The following DPP10 variants were observed in gnomAD, a reference collection of about 807,000 sequenced individuals.
The protein encoded by DPP10 is inactive dipeptidyl peptidase 10.
DPP10 carries 33 observed loss-of-function variants against 120.9 expected under a neutral mutation model. That is an observed-to-expected ratio of 0.27 (90% CI 0.21 to 0.37). The LOEUF is 0.37. DPP10 is among the 10% of genes least tolerant of loss of function. The probability of loss-of-function intolerance (pLI) is 1.00; values close to 1 mark genes in which losing one functional copy is unlikely to be tolerated. For synonymous variants in DPP10, 337 were observed against 326.1 expected, an observed-to-expected ratio of 1.03 and a Z score of -0.36; for missense variants, 816 against 942.8, an observed-to-expected ratio of 0.87 and a Z score of 1.76.
chr2:114,446,172 C>T (rs1345865954), intron 1 of DPP10, among the ~76,000 whole-genome samples: 1 of 152,112 alleles, frequency 6.6e-6, no homozygotes, highest in Non-Finnish European at 1.5e-5. Flanking sequence ...TTTCCTTCAC[C>T]ATTATGGCTT....
intron 5 of DPP10, among the ~76,000 whole-genome samples, chr2:115,535,416 T>C (rs906207220): frequency 7.9e-5 from 12 of 152,114 alleles, no homozygotes; most frequent in African/African-American, 2.4e-4. Flanking sequence ...AAAGATCAGA[T>C]AGTTGCAGAT....
At chr2:115,557,521 T>C (rs2080292402) in intron 5 of DPP10, among the ~76,000 whole-genome samples, 1 of 152,212 alleles carries the variant, frequency 6.6e-6, no homozygotes, top group Non-Finnish European at 1.5e-5. Context: ...TCTTTTCTAT[T>C]GCCTTAACCC....
At chr2:115,227,900 G>C (rs891262507) in intron 1 of DPP10, among the ~76,000 whole-genome samples, 5 of 146,588 alleles carry the variant, frequency 3.4e-5, no homozygotes, top group African/African-American at 5.0e-5. Flanking sequence ...ATATTTATGA[G>C]ATACATCCGA....
At chr2:114,836,761 T>A (rs1348891091) in intron 1 of DPP10, among the ~76,000 whole-genome samples, 1 of 152,134 alleles carries the variant, frequency 6.6e-6, no homozygotes, top group Non-Finnish European at 1.5e-5. Context: ...GACTGGGGCT[T>A]ATTTCATCCC....
At chr2:114,834,793 A>ACCTATGTATATATAAGCCATGTCTACG (rs1687539157) in intron 1 of DPP10, among the ~76,000 whole-genome samples, 2 of 124,316 alleles carry the variant, frequency 1.6e-5, no homozygotes, top group African/African-American at 9.9e-5. Flanking sequence ...CCATGTCTAC[A>ACCTATGTATATATAAGCCATGTCTACG]CACCTATGTA....
intron 1 of DPP10, among the ~76,000 whole-genome samples, chr2:115,160,109 T>G (rs759769841): frequency 2.8e-4 from 42 of 152,240 alleles, no homozygotes; most frequent in Non-Finnish European, 3.7e-4. Context: ...AATTACTGGA[T>G]AAGCTGCCCA....
At chr2:114,834,063 C>T (rs778119368) in intron 1 of DPP10, 12 of 151,926 alleles carry the variant, frequency 7.9e-5, no homozygotes, top group Non-Finnish European at 5.9e-5. Context: ...GCCATATCTA[C>T]ACACCTATGT....
In DPP10 at chr2:114,960,089, C is replaced by G. The variant is rs1246970084; in HGVS notation, c.61-349150C>G. Among the ~76,000 whole-genome samples, 5 of 151,880 alleles carry G rather than the reference C, an allele frequency of 3.3e-5. No homozygotes were observed. In the East Asian group the frequency reaches 7.7e-4, roughly 23 times the overall value. On this transcript the variant is annotated intron_variant, in intron 1 of 25. Transcript: ENST00000410059. ...CAATGTTCATCTTATATGTGAATAC[C>G]CAGTCAGATAATATAACTTACTGAT...
intron 1 of DPP10, among the ~76,000 whole-genome samples, chr2:114,728,204 G>A (rs1271015844): frequency 1.3e-5 from 2 of 152,176 alleles, no homozygotes; most frequent in Non-Finnish European, 2.9e-5. Context: ...AGGCAGGCAG[G>A]GAGAAGGAAC....
chr2:115,742,962 C>G (rs2197576), intron 9 of DPP10, among the ~76,000 whole-genome samples: 151,106 of 151,882 alleles, frequency 0.99, 75,171 homozygotes, highest in Middle Eastern at 1. Flanking sequence ...CAGCACAAAA[C>G]AGATGCACGG....
intron 5 of DPP10, among the ~76,000 whole-genome samples, chr2:115,608,285 G>T (rs971929875): frequency 6.6e-6 from 1 of 152,106 alleles, no homozygotes; most frequent in African/African-American, 2.4e-5. Context: ...AGCTATTCAG[G>T]AGGCGGAGGC....
intron 1 of DPP10, among the ~76,000 whole-genome samples, chr2:114,704,764 C>T (rs920105338): frequency 1.3e-5 from 2 of 152,022 alleles, no homozygotes; most frequent in Admixed American, 6.6e-5. Context: ...TGAATTGTAT[C>T]CCCTGAATAA....
intron 1 of DPP10, among the ~76,000 whole-genome samples, chr2:114,594,153 A>T (rs1281878026): frequency 6.6e-6 from 1 of 152,036 alleles, no homozygotes; most frequent in Non-Finnish European, 1.5e-5. Context: ...CTGCCAAGGA[A>T]TATAAAGCAG....
chr2:114,759,456 G>A (rs185607831), intron 1 of DPP10, among the ~76,000 whole-genome samples: 2 of 150,436 alleles, frequency 1.3e-5, no homozygotes, highest in East Asian at 4.0e-4. Context: ...CAAGACGGGT[G>A]CTGTAAATCT....
chr2:115,230,159 T>G (rs1397264531), intron 1 of DPP10, among the ~76,000 whole-genome samples: 1 of 152,016 alleles, frequency 6.6e-6, no homozygotes, highest in Non-Finnish European at 1.5e-5. Flanking sequence ...TGTTGTTACT[T>G]CCTAGCTATT....
intron 1 of DPP10, among the ~76,000 whole-genome samples, chr2:114,965,678 G>T (rs1190221169): frequency 1.3e-5 from 2 of 151,910 alleles, no homozygotes; most frequent in Non-Finnish European, 2.9e-5. Context: ...ATGTTTCCAC[G>T]TCAGAAAGAT....
At chr2:115,220,980 G>T (rs2057124280) in intron 1 of DPP10, among the ~76,000 whole-genome samples, 1 of 151,392 alleles carries the variant, frequency 6.6e-6, no homozygotes, top group Non-Finnish European at 1.5e-5. Context: ...AGCCAAAATG[G>T]TAATCAGTGT....
chr2:115,038,323 T>G (rs1381270266), intron 1 of DPP10, among the ~76,000 whole-genome samples: 4 of 151,990 alleles, frequency 2.6e-5, no homozygotes, highest in African/African-American at 9.7e-5. Context: ...CAGGCTGGAG[T>G]GCAGTGGCGC....
At chr2:114,840,906 G>A (rs1688107568) in intron 1 of DPP10, among the ~76,000 whole-genome samples, 2 of 152,030 alleles carry the variant, frequency 1.3e-5, no homozygotes, top group South Asian at 4.1e-4. Context: ...CCCTGCCTCT[G>A]TTCCACAGGC....
Sources: allele counts gnomAD v4.1 joint callset (sites outside exome capture counted in the v4.1 genomes callset), GRCh38; gene constraint gnomAD v4.1.1; transcripts MANE v1.5; gene names NCBI Gene and HGNC (gene_info 2026-07-23, HGNC 2026-07-21).